Variants in PIP5K1B observed in about 807,000 individuals in gnomAD.
PIP5K1B encodes phosphatidylinositol-4-phosphate 5-kinase type 1 beta.
PIP5K1B carries 42 observed loss-of-function variants against 67.0 expected under a neutral mutation model. The observed-to-expected ratio is 0.63, with a 90% CI of 0.49 to 0.81. PIP5K1B has a LOEUF of 0.81. Among genes scored for constraint, PIP5K1B ranks in the 30% least tolerant of loss-of-function variants. The probability of loss-of-function intolerance (pLI) is 0.00; values close to 1 mark genes in which losing one functional copy is unlikely to be tolerated. For missense variants in PIP5K1B, 459 were observed against 646.3 expected, an observed-to-expected ratio of 0.71 and a Z score of 3.14; for synonymous variants, 214 against 231.4, an observed-to-expected ratio of 0.92 and a Z score of 0.68.
intron 4 of PIP5K1B, among the ~76,000 whole-genome samples, chr9:68,846,431 T>G (rs1272315611): frequency 1.3e-5 from 2 of 152,182 alleles, no homozygotes; most frequent in Non-Finnish European, 2.9e-5. Context: ...CTCTAAATTC[T>G]TATGAATTTA....
At chr9:68,857,136 C>G (rs910382990) in intron 4 of PIP5K1B, among the ~76,000 whole-genome samples, 12 of 152,266 alleles carry the variant, frequency 7.9e-5, no homozygotes, top group African/African-American at 2.9e-4. Flanking sequence ...GAACTGATTC[C>G]CCACCAGAGT....
At chr9:68,758,361 TA>T (rs1275928481) in intron 2 of PIP5K1B, among the ~76,000 whole-genome samples, 1 of 152,082 alleles carries the variant, frequency 6.6e-6, no homozygotes, top group Non-Finnish European at 1.5e-5. Context: ...GCTCAACAAG[TA>T]AAAACAATCA....
chr9:68,954,585 A>G (rs930013483), intron 14 of PIP5K1B, among the ~76,000 whole-genome samples: 2 of 152,202 alleles, frequency 1.3e-5, no homozygotes, highest in Non-Finnish European at 2.9e-5. Context: ...TGAAAAGGCT[A>G]TTTTTCAAAG....
intron 4 of PIP5K1B, among the ~76,000 whole-genome samples, chr9:68,832,481 T>A (rs1334766603): frequency 6.6e-6 from 1 of 152,248 alleles, no homozygotes; most frequent in Non-Finnish European, 1.5e-5. Flanking sequence ...TCTGGCAAGT[T>A]CTGTTTACTG....
At chr9:68,790,847 A>G (rs970725970) in intron 2 of PIP5K1B, among the ~76,000 whole-genome samples, 1 of 152,196 alleles carries the variant, frequency 6.6e-6, no homozygotes, top group Admixed American at 6.5e-5. Context: ...GTGCTGCCCT[A>G]AGAGAGAAGT....
intron 12 of PIP5K1B, among the ~76,000 whole-genome samples, chr9:68,927,704 G>A (rs1826786335): frequency 6.6e-6 from 1 of 152,174 alleles, no homozygotes; most frequent in Non-Finnish European, 1.5e-5. Context: ...CTTCCATTCT[G>A]TGGGTTGTCT....
intron 2 of PIP5K1B, among the ~76,000 whole-genome samples, chr9:68,761,680 G>T (rs971036036): frequency 6.6e-6 from 1 of 152,110 alleles, no homozygotes; most frequent in African/African-American, 2.4e-5. Context: ...CTTCAAAGCT[G>T]CAGTAGCTGG....
At chr9:68,792,511 G>A (rs889276979) in intron 2 of PIP5K1B, among the ~76,000 whole-genome samples, 4 of 151,866 alleles carry the variant, frequency 2.6e-5, no homozygotes, top group Non-Finnish European at 4.4e-5. Context: ...ACAGAGTCTC[G>A]CTCTGTCGCC....
At chr9:68,941,046 A>G in intron 14 of PIP5K1B, 1 of 572,860 alleles carries the variant, frequency 1.7e-6, no homozygotes, top group Non-Finnish European at 3.3e-6. Flanking sequence ...AAGAAGACAA[A>G]TCTTTCATCA....
At chr9:68,891,359 A>G (rs2132393831) in intron 7 of PIP5K1B, among the ~76,000 whole-genome samples, 1 of 152,332 alleles carries the variant, frequency 6.6e-6, no homozygotes, top group Admixed American at 6.5e-5. Flanking sequence ...TCACGTGGTT[A>G]CCCAAATAGA....
At chr9:68,733,230 C>T in intron 1 of PIP5K1B, among the ~76,000 whole-genome samples, 1 of 152,226 alleles carries the variant, frequency 6.6e-6, no homozygotes. Context: ...CGTCTGTACA[C>T]ATGCAGTATG....
chr9:68,942,004 G>A (rs1017319886), intron 14 of PIP5K1B, among the ~76,000 whole-genome samples: 9 of 152,166 alleles, frequency 5.9e-5, no homozygotes, highest in African/African-American at 2.2e-4. Flanking sequence ...AGTTTGCACT[G>A]TTCTGCTCTA....
chr9:68,776,989 A>G (rs560939686), intron 2 of PIP5K1B, among the ~76,000 whole-genome samples: 69 of 152,366 alleles, frequency 4.5e-4, no homozygotes, highest in African/African-American at 1.5e-3. Flanking sequence ...TTTTATTAGC[A>G]TATCGTTGAA....
intron 1 of PIP5K1B, among the ~76,000 whole-genome samples, chr9:68,714,054 C>G (rs1827520579): frequency 6.6e-6 from 1 of 152,200 alleles, no homozygotes; most frequent in South Asian, 2.1e-4. Context: ...CATGGTGTAG[C>G]ACCTCAAAGT....
chr9:68,957,806 G>C (rs1828479683), intron 14 of PIP5K1B, among the ~76,000 whole-genome samples: 1 of 152,132 alleles, frequency 6.6e-6, no homozygotes, highest in Non-Finnish European at 1.5e-5. Context: ...TTTATTGCCT[G>C]CTTCAGGGAA....
chr9:68,801,521 C>T (rs1204693595), intron 2 of PIP5K1B, among the ~76,000 whole-genome samples: 1 of 152,042 alleles, frequency 6.6e-6, no homozygotes, highest in Non-Finnish European at 1.5e-5. Context: ...GAAATATATT[C>T]CAAGACTAAA....
chr9:68,972,023 G>T (rs1372789683), intron 14 of PIP5K1B, among the ~76,000 whole-genome samples: 1 of 152,112 alleles, frequency 6.6e-6, no homozygotes, highest in Non-Finnish European at 1.5e-5. Context: ...GGCTTTTGTT[G>T]CCATTGCTTT....
At chr9:68,916,862 ACT>A (rs1206875342) in intron 8 of PIP5K1B, among the ~76,000 whole-genome samples, 2 of 145,464 alleles carry the variant, frequency 1.4e-5, no homozygotes, top group Non-Finnish European at 3.0e-5. Flanking sequence ...ACAGGGCGAG[ACT>A]CTGTCTCAAA....
intron 2 of PIP5K1B, among the ~76,000 whole-genome samples, chr9:68,814,050 C>T (rs149351377): frequency 5.5e-4 from 83 of 152,198 alleles, no homozygotes; most frequent in African/African-American, 1.5e-3. Context: ...AAGCCTGGGC[C>T]ACCTTGATGG....
Sources: gnomAD v4.1 joint callset for allele counts (sites outside exome capture counted in the v4.1 genomes callset) on GRCh38, gnomAD v4.1.1 for gene constraint, MANE v1.5 for transcripts, NCBI Gene and HGNC (gene_info 2026-07-23, HGNC 2026-07-21) for gene names.